The following DDAH1 variants were observed in gnomAD, a reference collection of about 807,000 sequenced individuals.
The protein encoded by DDAH1 is dimethylarginine dimethylaminohydrolase 1.
DDAH1 carries 19 observed loss-of-function variants against 28.8 expected under a neutral mutation model. That is an observed-to-expected ratio of 0.66 (90% CI 0.46 to 0.97). The LOEUF is 0.97. Ranked by LOEUF, DDAH1 falls within the 50% of genes least tolerant of loss-of-function variation. DDAH1 has a pLI of 0.00. For synonymous variants in DDAH1, 153 were observed against 154.4 expected (o/e 0.99, Z 0.07); for missense variants, 326 against 375.9 (o/e 0.87, Z 1.10).
intron 1 of DDAH1, among the ~76,000 whole-genome samples, chr1:85,363,655 GGCACAGATGGCTTGGAACTTGCTGAT>G (rs1236593693): frequency 6.6e-6 from 1 of 152,180 alleles, no homozygotes; most frequent in Non-Finnish European, 1.5e-5. Context: ...GGCACATCAA[GGCACAGATGGCTTGGAACTTGCTGAT>G]GCATCAAAAT....
At chr1:85,494,373 T>C (rs1490594335) in intron 2 of DDAH1, 1 of 152,202 alleles carries the variant, frequency 6.6e-6, no homozygotes, top group Non-Finnish European at 1.5e-5. Context: ...ATAATAATTT[T>C]AAAAGCAAAA....
intron 2 of DDAH1, among the ~76,000 whole-genome samples, chr1:85,474,764 A>G (rs995820917): frequency 6.6e-6 from 1 of 152,186 alleles, no homozygotes; most frequent in Non-Finnish European, 1.5e-5. Flanking sequence ...CACTCTCATC[A>G]GCCCACTTTC....
chr1:85,552,521 C>A (rs1233056754), intron 1 of DDAH1, among the ~76,000 whole-genome samples: 1 of 152,142 alleles, frequency 6.6e-6, no homozygotes, highest in Non-Finnish European at 1.5e-5. Context: ...GCATAATGGC[C>A]ACTTCCTCAA....
intron 1 of DDAH1, among the ~76,000 whole-genome samples, chr1:85,449,849 T>C (rs1194620725): frequency 6.6e-6 from 1 of 151,584 alleles, no homozygotes; most frequent in Non-Finnish European, 1.5e-5. Flanking sequence ...GAGAGAGAGG[T>C]AGACTACAGG....
chr1:85,527,662 A>T (rs1484341927), intron 1 of DDAH1, among the ~76,000 whole-genome samples: 26 of 152,156 alleles, frequency 1.7e-4, no homozygotes, highest in Non-Finnish European at 2.6e-4. Flanking sequence ...GGTACTATAT[A>T]AGTAGGTTAT....
intron 1 of DDAH1, among the ~76,000 whole-genome samples, chr1:85,394,001 T>C (rs1651686078): frequency 1.3e-5 from 2 of 152,216 alleles, no homozygotes; most frequent in African/African-American, 2.4e-5. Context: ...ATGTGATATT[T>C]TGCTACCAAA....
chr1:85,461,566 G>T (rs1263066347), intron 1 of DDAH1, among the ~76,000 whole-genome samples: 2 of 152,148 alleles, frequency 1.3e-5, no homozygotes, highest in East Asian at 1.9e-4. Context: ...GTTCATAATA[G>T]AACTTTTGGG....
At chr1:85,325,363 G>GCA (rs1647314530) in intron 4 of DDAH1, among the ~76,000 whole-genome samples, 1 of 151,920 alleles carries the variant, frequency 6.6e-6, no homozygotes, top group South Asian at 2.1e-4. Flanking sequence ...GTGCGCGCGC[G>GCA]CGCGCACACA....
At chr1:85,405,159 G>A (rs1366039093) in intron 1 of DDAH1, among the ~76,000 whole-genome samples, 2 of 152,160 alleles carry the variant, frequency 1.3e-5, no homozygotes, top group Non-Finnish European at 2.9e-5. Flanking sequence ...TATCCTAACA[G>A]CAGACATGCT....
intron 1 of DDAH1, among the ~76,000 whole-genome samples, chr1:85,570,045 C>A (rs1659407683): frequency 6.6e-6 from 1 of 152,148 alleles, no homozygotes; most frequent in South Asian, 2.1e-4. Context: ...ATTTGGAGGG[C>A]ACATCTCAGT....
intron 1 of DDAH1, among the ~76,000 whole-genome samples, chr1:85,512,575 G>C (rs185635154): frequency 6.6e-6 from 1 of 152,064 alleles, no homozygotes; most frequent in Non-Finnish European, 1.5e-5. Flanking sequence ...TGTTTGCAGA[G>C]GACATGATTG....
intron 2 of DDAH1, among the ~76,000 whole-genome samples, chr1:85,358,461 C>T (rs1204795651): frequency 6.6e-6 from 1 of 151,900 alleles, no homozygotes; most frequent in African/African-American, 2.4e-5. Flanking sequence ...ACCAGCCTGG[C>T]CAACATAGTG....
chr1:85,348,008 C>T (rs1648974711), intron 4 of DDAH1, among the ~76,000 whole-genome samples: 1 of 152,280 alleles, frequency 6.6e-6, no homozygotes, highest in Non-Finnish European at 1.5e-5. Context: ...GGGCATTCAC[C>T]AAATCCACAG....
chr1:85,534,088 G>T (rs1658184455), intron 1 of DDAH1, among the ~76,000 whole-genome samples: 1 of 152,152 alleles, frequency 6.6e-6, no homozygotes, highest in South Asian at 2.1e-4. Flanking sequence ...AATGAAAGGA[G>T]TCACAGGAAG....
At chr1:85,482,102 C>T (rs1041648541) in intron 2 of DDAH1, among the ~76,000 whole-genome samples, 2 of 152,204 alleles carry the variant, frequency 1.3e-5, no homozygotes, top group Admixed American at 6.5e-5. Flanking sequence ...TTCTTTCCAA[C>T]CCTGTTAGCA....
chr1:85,405,643 A>AT (rs397805599), intron 1 of DDAH1, among the ~76,000 whole-genome samples: 1 of 151,554 alleles, frequency 6.6e-6, no homozygotes, highest in African/African-American at 2.4e-5. Context: ...TAAAAAAAAA[A>AT]GCCCTACTTT....
At chr1:85,467,655 A>C (rs1322431796), upstream of DDAH1, 2 of 152,242 alleles carry the variant, frequency 1.3e-5, no homozygotes, top group African/African-American at 2.4e-5. Context: ...AAAAATACCA[A>C]ATCCATTAGA....
chr1:85,468,657 C>T (rs1570583036), upstream of DDAH1, among the ~76,000 whole-genome samples: 1 of 152,074 alleles, frequency 6.6e-6, no homozygotes. Context: ...GTAGCTGGGA[C>T]TACAGGCACC....
chr1:85,402,610 CAATT>C (rs988990321), intron 1 of DDAH1, among the ~76,000 whole-genome samples: 3 of 151,854 alleles, frequency 2.0e-5, no homozygotes, highest in Non-Finnish European at 4.4e-5. Flanking sequence ...CTAGAAAACA[CAATT>C]AATAAAAATC....
Sources: allele counts gnomAD v4.1 joint callset (sites outside exome capture counted in the v4.1 genomes callset), GRCh38; gene constraint gnomAD v4.1.1; transcripts MANE v1.5; gene names NCBI Gene and HGNC (gene_info 2026-07-23, HGNC 2026-07-21).